The following CDH12 variants were observed in gnomAD, a reference collection of about 807,000 sequenced individuals.
CDH12 encodes cadherin 12.
In CDH12, 41 loss-of-function variants were observed where a neutral mutation model predicts 74.1. The observed-to-expected ratio is 0.55, with a 90% confidence interval of 0.43 to 0.72. The LOEUF is 0.72. CDH12 is among the 30% of genes least tolerant of loss of function. CDH12 has a pLI of 0.00. For missense variants in CDH12, 945 were observed against 977.2 expected (o/e 0.97, Z 0.44); for synonymous variants, 399 against 355.0 (o/e 1.12, Z -1.39).
chr5:22,677,253 G>C (rs988837781), intron 1 of CDH12, among the ~76,000 whole-genome samples: 3 of 152,270 alleles, frequency 2.0e-5, no homozygotes, highest in Non-Finnish European at 4.4e-5. Flanking sequence ...GATTAGGCTA[G>C]TATAAGAGAA....
At chr5:21,779,853 T>C (rs888392679) in intron 11 of CDH12, among the ~76,000 whole-genome samples, 2 of 152,220 alleles carry the variant, frequency 1.3e-5, no homozygotes, top group African/African-American at 4.8e-5. Flanking sequence ...AGTTTACTTT[T>C]AAGCTGTGCA....
intron 1 of CDH12, among the ~76,000 whole-genome samples, chr5:22,552,927 T>C (rs1359041037): frequency 6.6e-6 from 1 of 152,096 alleles, no homozygotes; most frequent in African/African-American, 2.4e-5. Flanking sequence ...TAAAATAAAT[T>C]TAAAATCTAC....
chr5:22,624,931 C>A (rs4493637), intron 1 of CDH12, among the ~76,000 whole-genome samples: 9,986 of 152,182 alleles, frequency 0.066, 435 homozygotes, highest in East Asian at 0.24. Flanking sequence ...CAATGATAGA[C>A]TGGATTAAGA....
chr5:22,394,672 T>C (rs761088496), intron 3 of CDH12, among the ~76,000 whole-genome samples: 9 of 152,132 alleles, frequency 5.9e-5, no homozygotes, highest in Non-Finnish European at 1.0e-4. Context: ...CTTTTCATTG[T>C]TTACAATTTC....
chr5:22,673,283 C>A (rs1740998966), intron 1 of CDH12, among the ~76,000 whole-genome samples: 1 of 152,122 alleles, frequency 6.6e-6, no homozygotes, highest in Admixed American at 6.6e-5. Flanking sequence ...ATGCCTATTA[C>A]AATTTTAAGT....
intron 5 of CDH12, among the ~76,000 whole-genome samples, chr5:22,076,632 G>A (rs1742335480): frequency 6.6e-6 from 1 of 152,112 alleles, no homozygotes; most frequent in Non-Finnish European, 1.5e-5. Context: ...AAAGAAACAA[G>A]TATAGGAGAA....
chr5:22,719,952 C>T (rs537541175), intron 1 of CDH12, among the ~76,000 whole-genome samples: 1 of 152,146 alleles, frequency 6.6e-6, no homozygotes, highest in East Asian at 1.9e-4. Flanking sequence ...TCCAACCCTC[C>T]TTGAAGACAC....
At chr5:22,503,203 T>G (rs535932348) in intron 2 of CDH12, among the ~76,000 whole-genome samples, 5 of 152,132 alleles carry the variant, frequency 3.3e-5, no homozygotes, top group Non-Finnish European at 5.9e-5. Flanking sequence ...ATTCATACAA[T>G]TACTTAAGTA....
intron 13 of CDH12, among the ~76,000 whole-genome samples, chr5:21,758,391 C>T (rs1609716): frequency 0.59 from 89,402 of 151,940 alleles, 29,298 homozygotes; most frequent in Non-Finnish European, 0.73. Flanking sequence ...ACTTTCTTTG[C>T]CTAATCATTG....
chr5:21,824,269 T>C (rs1748537464), intron 8 of CDH12, among the ~76,000 whole-genome samples: 1 of 152,064 alleles, frequency 6.6e-6, no homozygotes, highest in African/African-American at 2.4e-5. Context: ...GCAGCAAAGT[T>C]AGGAGGCTGG....
chr5:22,813,665 A>G (rs533875109), intron 1 of CDH12, among the ~76,000 whole-genome samples: 45 of 152,248 alleles, frequency 3.0e-4, no homozygotes, highest in African/African-American at 1.1e-3. Context: ...TTGGGAAGCT[A>G]AAAGTCATCT....
intron 10 of CDH12, among the ~76,000 whole-genome samples, chr5:21,801,005 T>C (rs1747081410): frequency 6.6e-6 from 1 of 152,194 alleles, no homozygotes; most frequent in African/African-American, 2.4e-5. Context: ...GGTGGTTCTT[T>C]ATAGTAGTGT....
At chr5:22,417,112 G>GAA (rs968031303) in intron 2 of CDH12, among the ~76,000 whole-genome samples, 98 of 152,146 alleles carry the variant, frequency 6.4e-4, no homozygotes, top group Admixed American at 4.1e-3. Flanking sequence ...ACTGTGAATT[G>GAA]AAAATGTTTA....
intron 1 of CDH12, among the ~76,000 whole-genome samples, chr5:22,628,670 A>T (rs963212518): frequency 6.6e-6 from 1 of 152,186 alleles, no homozygotes; most frequent in African/African-American, 2.4e-5. Flanking sequence ...TGAACAACAT[A>T]ACATTACACT....
intron 1 of CDH12, among the ~76,000 whole-genome samples, chr5:22,600,221 A>C (rs1271054691): frequency 6.6e-6 from 1 of 152,148 alleles, no homozygotes; most frequent in East Asian, 1.9e-4. Flanking sequence ...TATGTGAAGC[A>C]TTTGAAACAG....
rs533111237 is a variant in CDH12, at chr5:22,730,521, G to A, written c.-523+122537C>T. The stretch of plus-strand genomic sequence containing the variant: ...TTTTACCTTAAACATTGTTGAACAT[G>A]TTTGAATTCAAGTTAAAATATAATG... On this transcript the variant is annotated intron_variant, in intron 1 of 14. Coordinates refer to ENST00000382254, the MANE Select transcript of CDH12 (RefSeq NM_004061.5). Among the ~76,000 whole-genome samples the A allele has an allele frequency of 3.3e-5, 5 of 151,934 alleles. No individual in the cohort carries two copies. The South Asian group carries it at 1.0e-3, about 32-fold the overall frequency.
chr5:22,619,920 CT>C (rs1737886521), intron 1 of CDH12, among the ~76,000 whole-genome samples: 2 of 151,912 alleles, frequency 1.3e-5, no homozygotes, highest in Non-Finnish European at 2.9e-5. Flanking sequence ...TTATTTTTTG[CT>C]TTATTGTTTA....
At chr5:22,434,586 T>A (rs953278289) in intron 2 of CDH12, among the ~76,000 whole-genome samples, 1 of 152,152 alleles carries the variant, frequency 6.6e-6, no homozygotes, top group African/African-American at 2.4e-5. Flanking sequence ...ACCGAATCCA[T>A]CCTAACGTCT....
chr5:22,042,119 C>A (rs971836319), intron 5 of CDH12, among the ~76,000 whole-genome samples: 3 of 151,156 alleles, frequency 2.0e-5, no homozygotes, highest in East Asian at 1.9e-4. Flanking sequence ...GAAAATGGAA[C>A]GACAATATAC....
Sources: gnomAD v4.1 joint callset for allele counts (sites outside exome capture counted in the v4.1 genomes callset) on GRCh38, gnomAD v4.1.1 for gene constraint, MANE v1.5 for transcripts, NCBI Gene and HGNC (gene_info 2026-07-23, HGNC 2026-07-21) for gene names.